ITGBL1: variants seen among roughly 807,000 people sequenced by gnomAD.
The protein encoded by ITGBL1 is integrin beta-like protein 1.
In ITGBL1, 51 loss-of-function variants were observed where a neutral mutation model predicts 68.5. That is an observed-to-expected ratio of 0.74 (90% CI 0.59 to 0.94). The LOEUF (loss-of-function observed/expected upper bound fraction) is 0.94. Ranked by LOEUF, ITGBL1 falls within the 40% of genes least tolerant of loss-of-function variation. ITGBL1 has a pLI of 0.00. For missense variants in ITGBL1, 649 were observed against 647.4 expected, an observed-to-expected ratio of 1.00 and a Z score of -0.03; for synonymous variants, 209 against 227.3, an observed-to-expected ratio of 0.92 and a Z score of 0.72.
At chr13:101,719,566 A>AATCTT (rs1402174612), downstream of ITGBL1, 7 of 152,138 alleles carry the variant, frequency 4.6e-5, no homozygotes, top group African/African-American at 1.4e-4. Flanking sequence ...TTTAAAAAGC[A>AATCTT]ATCTTATATT....
intron 2 of ITGBL1, among the ~76,000 whole-genome samples, chr13:101,518,956 C>T (rs1014210676): frequency 6.6e-6 from 1 of 152,112 alleles, no homozygotes; most frequent in African/African-American, 2.4e-5. Flanking sequence ...AGCTATTATA[C>T]TTAGACATAC....
At chr13:101,612,194 G>T (rs1426104019) in intron 7 of ITGBL1, among the ~76,000 whole-genome samples, 1 of 152,160 alleles carries the variant, frequency 6.6e-6, no homozygotes, top group Non-Finnish European at 1.5e-5. Context: ...AAATATTCAT[G>T]CCATGTGGAT....
chr13:101,582,328 G>C (rs929763487), intron 5 of ITGBL1, among the ~76,000 whole-genome samples: 2 of 152,042 alleles, frequency 1.3e-5, no homozygotes, highest in African/African-American at 4.8e-5. Flanking sequence ...TGAATAAAAA[G>C]AGTTTAGTTC....
intron 7 of ITGBL1, among the ~76,000 whole-genome samples, chr13:101,672,959 T>C (rs1432921332): frequency 6.6e-6 from 1 of 152,158 alleles, no homozygotes; most frequent in Admixed American, 6.5e-5. Flanking sequence ...TAAACCCGCG[T>C]AGAATGAAGC....
chr13:101,579,846 G>A (rs2050425500), intron 5 of ITGBL1, among the ~76,000 whole-genome samples: 3 of 152,102 alleles, frequency 2.0e-5, no homozygotes, highest in Admixed American at 1.3e-4. Flanking sequence ...GTATATGGAA[G>A]GCTTGGTTGA....
intron 2 of ITGBL1, among the ~76,000 whole-genome samples, chr13:101,460,244 C>G (rs946397508): frequency 1.3e-5 from 2 of 152,172 alleles, no homozygotes; most frequent in South Asian, 2.1e-4. Context: ...GCACCAAGCA[C>G]GTAAGAATAT....
chr13:101,555,524 C>T (rs890675271), intron 2 of ITGBL1, among the ~76,000 whole-genome samples: 3 of 152,000 alleles, frequency 2.0e-5, no homozygotes, highest in African/African-American at 7.3e-5. Flanking sequence ...TATTGCTTTT[C>T]CAAAGGCAGC....
chr13:101,513,860 G>GTCATACTCC (rs1157941820), intron 2 of ITGBL1, among the ~76,000 whole-genome samples: 1 of 152,008 alleles, frequency 6.6e-6, no homozygotes, highest in Non-Finnish European at 1.5e-5. Flanking sequence ...TATCATACAT[G>GTCATACTCC]TGATACTCCT....
chr13:101,541,630 T>A (rs1008854541), intron 2 of ITGBL1, among the ~76,000 whole-genome samples: 4 of 152,216 alleles, frequency 2.6e-5, no homozygotes, highest in Non-Finnish European at 2.9e-5. Flanking sequence ...GAAGGAATGG[T>A]ACCAGCTCCT....
chr13:101,471,047 C>G (rs905038335), intron 2 of ITGBL1, among the ~76,000 whole-genome samples: 1 of 152,214 alleles, frequency 6.6e-6, no homozygotes, highest in Admixed American at 6.5e-5. Flanking sequence ...TACAGTGACA[C>G]TGGCTAACAA....
chr13:101,477,050 C>T (rs1470200649), intron 2 of ITGBL1, among the ~76,000 whole-genome samples: 2 of 152,078 alleles, frequency 1.3e-5, no homozygotes, highest in Admixed American at 1.3e-4. Flanking sequence ...CATGCTTCTC[C>T]TCTGCACATG....
At chr13:101,669,374 G>C (rs1412916082) in intron 7 of ITGBL1, among the ~76,000 whole-genome samples, 1 of 152,014 alleles carries the variant, frequency 6.6e-6, no homozygotes. Context: ...AAATGTTTGT[G>C]CTAAGGTAGA....
At chr13:101,627,491 T>G (rs1423894261) in intron 7 of ITGBL1, among the ~76,000 whole-genome samples, 1 of 152,090 alleles carries the variant, frequency 6.6e-6, no homozygotes, top group Admixed American at 6.6e-5. Flanking sequence ...ATAATTTACC[T>G]TAGGATTAAC....
chr13:101,499,573 G>A (rs1390848426), intron 2 of ITGBL1, among the ~76,000 whole-genome samples: 2 of 152,184 alleles, frequency 1.3e-5, no homozygotes, highest in Non-Finnish European at 2.9e-5. Flanking sequence ...CTCACTTTTG[G>A]AACTGGAGCA....
chr13:101,528,964 A>T (rs1340338400), intron 2 of ITGBL1, among the ~76,000 whole-genome samples: 1 of 152,050 alleles, frequency 6.6e-6, no homozygotes, highest in Admixed American at 6.6e-5. Flanking sequence ...TGACATTAAG[A>T]ATATAATGCA....
chr13:101,700,978 A>C (rs561038127), intron 8 of ITGBL1, among the ~76,000 whole-genome samples: 5 of 152,318 alleles, frequency 3.3e-5, no homozygotes, highest in Non-Finnish European at 7.4e-5. Flanking sequence ...GACCGTAATT[A>C]CCATGAAGAC....
intron 7 of ITGBL1, among the ~76,000 whole-genome samples, chr13:101,679,010 G>A (rs887970018): frequency 6.0e-5 from 9 of 150,768 alleles, no homozygotes; most frequent in African/African-American, 1.5e-4. Flanking sequence ...TGGATCAAGC[G>A]ATTCTCCTGC....
chr13:101,538,368 G>A (rs9582505), intron 2 of ITGBL1, among the ~76,000 whole-genome samples: 27,562 of 151,466 alleles, frequency 0.18, 2,910 homozygotes, highest in African/African-American at 0.28. Context: ...GGCATACTGG[G>A]GGGTCTAGAA....
chr13:101,683,386 G>A (rs573359760), intron 7 of ITGBL1, among the ~76,000 whole-genome samples: 1 of 152,082 alleles, frequency 6.6e-6, no homozygotes, highest in East Asian at 1.9e-4. Context: ...TTGAGACTCA[G>A]GCATTACGTT....
Sources: gnomAD v4.1 joint callset for allele counts (sites outside exome capture counted in the v4.1 genomes callset) on GRCh38, gnomAD v4.1.1 for gene constraint, MANE v1.5 for transcripts, NCBI Gene and HGNC (gene_info 2026-07-23, HGNC 2026-07-21) for gene names.